Variants in WNT9B observed in about 807,000 individuals in gnomAD.
WNT9B encodes Wnt family member 9B.
Under a neutral mutation model 30.2 loss-of-function variants are expected in WNT9B, and 12 were observed. The observed-to-expected ratio is 0.40, with a 90% CI of 0.26 to 0.64. The LOEUF (loss-of-function observed/expected upper bound fraction) is 0.64, where lower values mean the gene tolerates loss of function less well. Ranked by LOEUF, WNT9B falls within the 30% of genes least tolerant of loss-of-function variation. The pLI is 0.42. For synonymous variants in WNT9B, 218 were observed against 216.9 expected (o/e 1.01, Z -0.05); for missense variants, 442 against 485.2 (o/e 0.91, Z 0.84).
intron 1 of WNT9B, among the ~76,000 whole-genome samples, chr17:46,858,932 G>A (rs190272541): frequency 6.6e-6 from 1 of 151,538 alleles, no homozygotes; most frequent in East Asian, 1.9e-4. Context: ...CTCTCAAACT[G>A]CTGGGATTAT....
At chr17:46,881,861 A>G (rs985006955), downstream of WNT9B, among the ~76,000 whole-genome samples, 1 of 152,270 alleles carries the variant, frequency 6.6e-6, no homozygotes, top group African/African-American at 2.4e-5. Flanking sequence ...TTTATCATGT[A>G]TCTCCTAAGG....
intron 1 of WNT9B, among the ~76,000 whole-genome samples, chr17:46,833,905 T>G (rs974250643): frequency 6.6e-6 from 1 of 152,120 alleles, no homozygotes; most frequent in African/African-American, 2.4e-5. Flanking sequence ...CTGGACCATG[T>G]CCCATCCCAG....
downstream of WNT9B, among the ~76,000 whole-genome samples, chr17:46,880,997 G>A (rs1393761917): frequency 6.6e-6 from 1 of 152,238 alleles, no homozygotes; most frequent in Non-Finnish European, 1.5e-5. Flanking sequence ...GCACAGCCAT[G>A]CAGTGGTTTG....
Position 46,851,819 on chromosome 17 carries a change from G to A in WNT9B, c.77+104G>A. 1.8e-6 allele frequency: 1 copy of A among 568,846 alleles called. No individual in the cohort carries two copies. 35.2% of individuals were successfully genotyped at this position (568,846 alleles called of 1,614,324 possible). A position where few individuals can be genotyped will look rare whatever the true frequency, so the allele number is the denominator to read the frequency against. On this transcript the variant is annotated intron_variant, in intron 1 of 3. Coordinates refer to ENST00000290015, the MANE Select transcript of WNT9B (RefSeq NM_003396.3). The surrounding 1 kb of genome is among the most constrained non-coding windows in gnomAD (Gnocchi z 4.3). ...CCCTCCCGCTGTCCTTGGCCCCGCC[G>A]AGGTCTCGAACTCAGACCCTAGCCC...
At chr17:46,840,155 C>T (rs556571024) in intron 1 of WNT9B, among the ~76,000 whole-genome samples, 21 of 149,866 alleles carry the variant, frequency 1.4e-4, no homozygotes, top group Non-Finnish European at 2.4e-4. Context: ...GGTGTGATCT[C>T]GGCTCACTGC....
At chr17:46,847,518 T>C (rs969425441), upstream of WNT9B, among the ~76,000 whole-genome samples, 1 of 152,184 alleles carries the variant, frequency 6.6e-6, no homozygotes, top group Non-Finnish European at 1.5e-5. Flanking sequence ...CCAGTCATCA[T>C]AAGGCTATGA....
At chr17:46,876,006 G>A (rs561169744) in intron 3 of WNT9B, among the ~76,000 whole-genome samples, 21 of 152,188 alleles carry the variant, frequency 1.4e-4, no homozygotes, top group Non-Finnish European at 1.5e-5. Context: ...CACTGAGTTG[G>A]TGTGAACCGG....
intron 1 of WNT9B, 148 bp from the exon 2 acceptor site, chr17:46,872,369 A>C: frequency 7.8e-7 from 1 of 1,284,216 alleles, no homozygotes; most frequent in Non-Finnish European, 1.0e-6. Context: ...TGGTTTCCTA[A>C]TCTGTAAAAT....
chr17:46,883,601 T>C (rs925837885), downstream of WNT9B, among the ~76,000 whole-genome samples: 3 of 152,182 alleles, frequency 2.0e-5, no homozygotes, highest in African/African-American at 7.2e-5. Context: ...CCCCATTTTA[T>C]AGATGAGGAA....
Position 46,878,517 on chromosome 17 carries a change from C to A in WNT9B, c.*1799C>A, listed in dbSNP as rs2085380045. Among the ~76,000 whole-genome samples, 1 of 152,184 alleles carries A rather than the reference C, an allele frequency of 6.6e-6. No individual in the cohort carries two copies. Among genetic ancestry groups the A allele is most frequent in the South Asian group, 2.1e-4 (1 of 4,828 alleles). Reference sequence around the variant, plus strand: ...CCTCTCGTTAAAATGACATTGCTGACCCAAGCACCTGGCCCACACCTTGGC... The same window carrying A: ...CCTCTCGTTAAAATGACATTGCTGAACCAAGCACCTGGCCCACACCTTGGC... On this transcript the variant is annotated 3_prime_UTR_variant, in exon 4 of 4. Coordinates refer to ENST00000290015, the MANE Select transcript of WNT9B (RefSeq NM_003396.3).
At chr17:46,846,021 T>C (rs2084772464) in intron 1 of WNT9B, among the ~76,000 whole-genome samples, 1 of 151,970 alleles carries the variant, frequency 6.6e-6, no homozygotes, top group African/African-American at 2.4e-5. Context: ...GAACTCCTGA[T>C]CTCAGGTGCT....
At chr17:46,881,923 G>A (rs1488233793), downstream of WNT9B, among the ~76,000 whole-genome samples, 1 of 152,164 alleles carries the variant, frequency 6.6e-6, no homozygotes, top group Non-Finnish European at 1.5e-5. Context: ...TCTAAGAGAT[G>A]TAACATTGAC....
chr17:46,852,672 C>T (rs1212688141), intron 1 of WNT9B, among the ~76,000 whole-genome samples: 1 of 152,008 alleles, frequency 6.6e-6, no homozygotes, highest in Non-Finnish European at 1.5e-5. Flanking sequence ...CACCCAAAGC[C>T]AACTCCAATA....
chr17:46,859,787 T>C (rs879012669), intron 1 of WNT9B, among the ~76,000 whole-genome samples: 52 of 152,340 alleles, frequency 3.4e-4, no homozygotes, highest in African/African-American at 8.2e-4. Flanking sequence ...TCATGGAAGA[T>C]TGACGTTCTA....
intron 1 of WNT9B, among the ~76,000 whole-genome samples, chr17:46,852,717 T>A (rs2084874803): frequency 6.6e-6 from 1 of 152,066 alleles, no homozygotes; most frequent in Non-Finnish European, 1.5e-5. Flanking sequence ...TGCCTCCTTT[T>A]AAAATCTTCA....
At chr17:46,845,556 C>A (rs1245915282) in intron 1 of WNT9B, among the ~76,000 whole-genome samples, 1 of 142,916 alleles carries the variant, frequency 7.0e-6, no homozygotes, top group African/African-American at 2.6e-5. Flanking sequence ...GTGGCACAAT[C>A]TCGGCTCACT....
At chr17:46,874,135 G>A (rs1192835993) in intron 2 of WNT9B, among the ~76,000 whole-genome samples, 1 of 152,144 alleles carries the variant, frequency 6.6e-6, no homozygotes, top group Non-Finnish European at 1.5e-5. Flanking sequence ...GCACTGGAGG[G>A]CAGGCAGGAA....
chr17:46,882,764 G>A (rs1246345413), downstream of WNT9B, among the ~76,000 whole-genome samples: 1 of 152,138 alleles, frequency 6.6e-6, no homozygotes, highest in Non-Finnish European at 1.5e-5. Flanking sequence ...CACGAGGCAC[G>A]TGACAGGGTC....
chr17:46,845,705 C>T (rs1397613402), intron 1 of WNT9B, among the ~76,000 whole-genome samples: 1 of 151,002 alleles, frequency 6.6e-6, no homozygotes, highest in East Asian at 1.9e-4. Context: ...GGCCAGGCTG[C>T]TCTCAAACTC....
Sources: gnomAD v4.1 joint callset for allele counts (sites outside exome capture counted in the v4.1 genomes callset) on GRCh38, gnomAD v4.1.1 for gene constraint, Gnocchi (gnomAD v3.1) non-coding constraint, MANE v1.5 for transcripts, NCBI Gene and HGNC (gene_info 2026-07-23, HGNC 2026-07-21) for gene names.